Variants in TBC1D22A observed in about 807,000 individuals in gnomAD.
The protein encoded by TBC1D22A is putative GTPase activator.
A neutral mutation model predicts 60.2 loss-of-function variants in TBC1D22A; 38 were observed. The ratio of observed to expected loss-of-function variants is 0.63; its 90% CI spans 0.49 to 0.83. TBC1D22A has a LOEUF of 0.83. Among genes scored for constraint, TBC1D22A ranks in the 40% least tolerant of loss-of-function variants. The pLI is 0.00. For synonymous variants in TBC1D22A, 302 were observed against 281.7 expected (o/e 1.07, Z -0.72); for missense variants, 628 against 701.0 (o/e 0.90, Z 1.18).
intron 8 of TBC1D22A, among the ~76,000 whole-genome samples, chr22:46,942,900 A>G (rs562207934): frequency 1.3e-5 from 2 of 152,316 alleles, no homozygotes; most frequent in East Asian, 1.9e-4. Flanking sequence ...TAGGAGAGAA[A>G]TTAATTTCAG....
intron 1 of TBC1D22A, among the ~76,000 whole-genome samples, chr22:46,776,057 C>G (rs1352548104): frequency 6.6e-6 from 1 of 152,200 alleles, no homozygotes; most frequent in African/African-American, 2.4e-5. Context: ...GCTTCTGCCG[C>G]AAGGATGCTG....
At position 47,146,779 on chromosome 22, in the gene TBC1D22A, C is replaced by G. The variant is rs532244767; in HGVS notation, c.1426-26719C>G. Reference sequence around the variant, plus strand: ...GTCTCCTCATCTGGAGGATGGGACGCCAGGGCTGGGGGATCTTCCCACAGA... The same window carrying G: ...GTCTCCTCATCTGGAGGATGGGACGGCAGGGCTGGGGGATCTTCCCACAGA... On this transcript the variant is annotated intron_variant, in intron 12 of 12. Coordinates refer to ENST00000337137, the MANE Select transcript of TBC1D22A (RefSeq NM_014346.5). Among the ~76,000 whole-genome samples, 7 of 152,344 alleles carry G rather than the reference C, an allele frequency of 4.6e-5. No individual in the cohort carries two copies. The South Asian group carries it at 1.0e-3, about 23-fold the overall frequency.
intron 11 of TBC1D22A, among the ~76,000 whole-genome samples, chr22:47,091,739 G>A (rs1357039838): frequency 6.6e-6 from 1 of 152,178 alleles, no homozygotes; most frequent in Non-Finnish European, 1.5e-5. Context: ...GACCTTTAGA[G>A]TTTATCCAGC....
At chr22:47,163,502 C>T (rs7290854) in intron 12 of TBC1D22A, among the ~76,000 whole-genome samples, 9,931 of 152,280 alleles carry the variant, frequency 0.065, 1,023 homozygotes, top group African/African-American at 0.22. Context: ...GCGATTCAGT[C>T]CTCACGGAGT....
intron 12 of TBC1D22A, among the ~76,000 whole-genome samples, chr22:47,149,692 G>A (rs2067429189): frequency 6.6e-6 from 1 of 152,274 alleles, no homozygotes. Context: ...GCGAGTCAGG[G>A]AGGAAGGTTC....
At chr22:47,069,486 G>A (rs1345412768) in intron 11 of TBC1D22A, among the ~76,000 whole-genome samples, 5 of 152,228 alleles carry the variant, frequency 3.3e-5, no homozygotes, top group African/African-American at 1.2e-4. Flanking sequence ...GCATATGTCA[G>A]GATGGACGAA....
intron 10 of TBC1D22A, among the ~76,000 whole-genome samples, chr22:47,010,715 G>A (rs2061726630): frequency 6.6e-6 from 1 of 152,304 alleles, no homozygotes; most frequent in Non-Finnish European, 1.5e-5. Flanking sequence ...TTGCTCTCTT[G>A]TTGGATGGAT....
At chr22:47,070,589 A>G (rs1169211567) in intron 11 of TBC1D22A, among the ~76,000 whole-genome samples, 1 of 132,928 alleles carries the variant, frequency 7.5e-6, no homozygotes, top group African/African-American at 2.8e-5. Context: ...GTTGGAGCGG[A>G]GCTGACCTGA....
intron 7 of TBC1D22A, among the ~76,000 whole-genome samples, chr22:46,898,183 C>T (rs1045124997): frequency 1.3e-5 from 2 of 152,166 alleles, no homozygotes; most frequent in African/African-American, 4.8e-5. Context: ...GTACAGCTGA[C>T]CTCTCAGGCC....
At chr22:47,080,319 CCAACAA>C (rs1465022347) in intron 11 of TBC1D22A, among the ~76,000 whole-genome samples, 2 of 152,094 alleles carry the variant, frequency 1.3e-5, no homozygotes, top group African/African-American at 4.8e-5. Context: ...TGGCAGATAC[CCAACAA>C]CATTCTTTGC....
chr22:47,073,953 C>T (rs569126252), intron 11 of TBC1D22A, among the ~76,000 whole-genome samples: 1 of 152,268 alleles, frequency 6.6e-6, no homozygotes, highest in East Asian at 1.9e-4. Flanking sequence ...CATAGCAAGA[C>T]CTGATCTCTC....
chr22:46,839,424 A>G (rs1376885549), intron 4 of TBC1D22A, among the ~76,000 whole-genome samples: 1 of 152,104 alleles, frequency 6.6e-6, no homozygotes, highest in African/African-American at 2.4e-5. Context: ...GAATACTTTA[A>G]CAGTTGGTAA....
Position 46,990,245 on chromosome 22 carries a change from T to G in TBC1D22A, c.1126-7389T>G, listed in dbSNP as rs1394140042. ...CCTAATTATTTATACGGTTGGGGTTTAGGTTGCCATTTTCCTATTTACTTT... is the reference window on the plus strand; with the variant it reads ...CCTAATTATTTATACGGTTGGGGTTGAGGTTGCCATTTTCCTATTTACTTT... On this transcript the variant is annotated intron_variant, in intron 9 of 12. Coordinates refer to ENST00000337137, the MANE Select transcript of TBC1D22A (RefSeq NM_014346.5). This position sits in a 1 kb window ranked among gnomAD's most constrained non-coding sequence, Gnocchi z 4.6. Among the ~76,000 whole-genome samples, 1 of 152,280 alleles carries G rather than the reference T, an allele frequency of 6.6e-6. No homozygotes were observed. Among genetic ancestry groups the G allele is most frequent in the Non-Finnish European group, 1.5e-5 (1 of 68,054 alleles).
At chr22:47,137,002 G>A (rs977352862) in intron 12 of TBC1D22A, among the ~76,000 whole-genome samples, 1 of 152,112 alleles carries the variant, frequency 6.6e-6, no homozygotes, top group African/African-American at 2.4e-5. Flanking sequence ...ACCTGGTCCC[G>A]GGCCCTGGCT....
chr22:47,078,289 C>T (rs901400671), intron 11 of TBC1D22A, among the ~76,000 whole-genome samples: 2 of 152,204 alleles, frequency 1.3e-5, no homozygotes, highest in African/African-American at 4.8e-5. Flanking sequence ...TTTGTGTCAC[C>T]TCTCTCCCTG....
At chr22:47,020,858 A>AT (rs2062062110) in intron 10 of TBC1D22A, among the ~76,000 whole-genome samples, 2 of 146,806 alleles carry the variant, frequency 1.4e-5, no homozygotes. Flanking sequence ...TTACAGGATT[A>AT]TATAATAATC....
intron 10 of TBC1D22A, among the ~76,000 whole-genome samples, chr22:47,001,115 A>T (rs959385317): frequency 5.3e-5 from 8 of 152,248 alleles, no homozygotes; most frequent in African/African-American, 1.9e-4. Context: ...GAATAGTGAC[A>T]CGTGAGGGCA....
At chr22:46,991,290 C>T (rs77710098) in intron 9 of TBC1D22A, among the ~76,000 whole-genome samples, 2,361 of 152,246 alleles carry the variant, frequency 0.016, 59 homozygotes, top group African/African-American at 0.053. Context: ...TGCCGAGCCC[C>T]GTCCTTGGCC....
chr22:47,026,102 A>T (rs535923038), intron 10 of TBC1D22A, among the ~76,000 whole-genome samples: 1 of 152,246 alleles, frequency 6.6e-6, no homozygotes, highest in Non-Finnish European at 1.5e-5. Flanking sequence ...CTTATTATTA[A>T]CATATTTAAA....
Sources: allele counts gnomAD v4.1 joint callset (sites outside exome capture counted in the v4.1 genomes callset), GRCh38; gene constraint gnomAD v4.1.1; non-coding constraint Gnocchi (gnomAD v3.1); transcripts MANE v1.5; gene names NCBI Gene and HGNC (gene_info 2026-07-23, HGNC 2026-07-21).